Variants in HIBCH observed in about 807,000 individuals in gnomAD.
HIBCH encodes 3-hydroxyisobutyryl-CoA hydrolase.
In HIBCH, 50 loss-of-function variants were observed where a neutral mutation model predicts 58.2. The ratio of observed to expected loss-of-function variants is 0.86; its 90% confidence interval spans 0.68 to 1.09. The LOEUF (loss-of-function observed/expected upper bound fraction) is 1.09. Among genes scored for constraint, HIBCH ranks in the 50% least tolerant of loss-of-function variants. The pLI is 0.00. For synonymous variants in HIBCH, 151 were observed against 146.9 expected (o/e 1.03, Z -0.20); for missense variants, 450 against 449.7 (o/e 1.00, Z -0.01).
intron 7 of HIBCH, among the ~76,000 whole-genome samples, chr2:190,259,164 G>A (rs1024879962): frequency 6.6e-6 from 1 of 152,080 alleles, no homozygotes; most frequent in African/African-American, 2.4e-5. Context: ...CTGACATTGG[G>A]ATTTTGATAG....
downstream of HIBCH, chr2:190,199,900 A>G (rs1376950666): frequency 6.2e-7 from 1 of 1,613,890 alleles, no homozygotes; most frequent in Non-Finnish European, 8.5e-7. Context: ...CCCATTTCCT[A>G]CCATATATGA....
chr2:190,213,819 T>C (rs898885938), intron 11 of HIBCH: 23 of 152,262 alleles, frequency 1.5e-4, no homozygotes, highest in African/African-American at 2.4e-4. Context: ...TGTGACCCTA[T>C]AGGACTCAGC....
At chr2:190,252,425 A>T in intron 7 of HIBCH, 118 bp from the exon 8 acceptor site, 1 of 818,048 alleles carries the variant, frequency 1.2e-6, no homozygotes, top group South Asian at 1.5e-5. Flanking sequence ...TACATTACAA[A>T]CATTATTAAA....
At chr2:190,270,282 A>ATTTT (rs1156661359) in intron 6 of HIBCH, among the ~76,000 whole-genome samples, 43 of 109,766 alleles carry the variant, frequency 3.9e-4, no homozygotes, top group African/African-American at 1.3e-3. Context: ...TTTTTTTTTA[A>ATTTT]AAAAAAAGAT....
chr2:190,238,421 C>T (rs1019503114), intron 11 of HIBCH, among the ~76,000 whole-genome samples: 2 of 152,122 alleles, frequency 1.3e-5, no homozygotes, highest in Admixed American at 6.6e-5. Flanking sequence ...CTCTAATGAT[C>T]AATGACAATA....
chr2:190,281,695 TTC>T lies in HIBCH; in HGVS notation c.438+5889_438+5890del, dbSNP rs1272481106. On this transcript the variant is annotated intron_variant, in intron 6 of 13. Transcript: ENST00000359678. This position sits in a 1 kb window ranked among gnomAD's most constrained non-coding sequence, Gnocchi z 5.4. Reference sequence around the variant, plus strand: ...AGTTTTCCAAATCTTTCTGCTTTCTTTCCCTTTTGATTATAAATTTCATCTTC... The same window carrying T: ...AGTTTTCCAAATCTTTCTGCTTTCTTCCTTTTGATTATAAATTTCATCTTC... Among the ~76,000 whole-genome samples, 2 of 152,222 alleles carry T rather than the reference TTC, an allele frequency of 1.3e-5. No homozygotes were observed. Among genetic ancestry groups the T allele is most frequent in the Admixed American group, 6.5e-5 (1 of 15,288 alleles).
intron 7 of HIBCH, among the ~76,000 whole-genome samples, chr2:190,258,024 C>T (rs1431138513): frequency 6.6e-6 from 1 of 152,100 alleles, no homozygotes; most frequent in Non-Finnish European, 1.5e-5. Flanking sequence ...CTCTGTGTCC[C>T]CATTCAAATC....
At chr2:190,194,154 T>G (rs918319686) in intron 1 of HIBCH, among the ~76,000 whole-genome samples, 2 of 152,218 alleles carry the variant, frequency 1.3e-5, no homozygotes, top group African/African-American at 4.8e-5. Flanking sequence ...TGAAATCTGC[T>G]GAGACTACCA....
intron 11 of HIBCH, among the ~76,000 whole-genome samples, chr2:190,225,150 G>A (rs1375612133): frequency 6.6e-6 from 1 of 152,120 alleles, no homozygotes; most frequent in Non-Finnish European, 1.5e-5. Flanking sequence ...AGAACTAAAT[G>A]CCCACAAGAG....
chr2:190,273,864 C>T (rs1245572326), intron 6 of HIBCH, among the ~76,000 whole-genome samples: 1 of 152,014 alleles, frequency 6.6e-6, no homozygotes, highest in Non-Finnish European at 1.5e-5. Flanking sequence ...GTCTCAGATG[C>T]AGTGAGACAA....
intron 11 of HIBCH, among the ~76,000 whole-genome samples, chr2:190,241,560 T>G (rs1409607712): frequency 6.6e-6 from 1 of 152,192 alleles, no homozygotes; most frequent in Non-Finnish European, 1.5e-5. Context: ...CATAGTGTTG[T>G]TGGTCTTTGT....
At chr2:190,283,461 C>T (rs1687756048) in intron 6 of HIBCH, among the ~76,000 whole-genome samples, 2 of 152,200 alleles carry the variant, frequency 1.3e-5, no homozygotes, top group African/African-American at 4.8e-5. Context: ...CAGGTGTATG[C>T]TCACCATTGC....
intron 6 of HIBCH, among the ~76,000 whole-genome samples, chr2:190,268,916 G>A (rs931181939): frequency 3.3e-5 from 5 of 152,164 alleles, no homozygotes; most frequent in Non-Finnish European, 7.4e-5. Context: ...AGAGCCCTCA[G>A]AAATAACACC....
rs1461301076 is a variant in HIBCH at position 190,210,168 on chromosome 2, C to T, written c.1012-1255G>A. The stretch of plus-strand genomic sequence containing the variant: ...TACACATATTCTCTCCACTTCTTCA[C>T]ATCCCATTTTTCCTCTCCAACTTAC... On this transcript the variant is annotated intron_variant, in intron 12 of 13. Transcript: ENST00000359678. This position sits in a 1 kb window ranked among gnomAD's most constrained non-coding sequence, Gnocchi z 5.5. Among the ~76,000 whole-genome samples, 1 of 152,176 alleles carries T rather than the reference C, an allele frequency of 6.6e-6. No homozygotes were observed. The highest frequency in any genetic ancestry group is 1.5e-5 in the Non-Finnish European group (1 of 68,038).
In HIBCH at chr2:190,290,386, C is replaced by T; in HGVS notation, c.385+19G>A. The T allele has an allele frequency of 6.6e-7, 1 of 1,514,742 alleles. No homozygotes were observed. The highest frequency in any genetic ancestry group is 9.2e-7 in the Non-Finnish European group (1 of 1,089,836). The allele number at this position is 1,514,742 out of a possible 1,614,324, so 93.8% of individuals were successfully genotyped here. ...ATTTCTTTATTCCATTTCCAAAGCT[C>T]TGAGCAGAATACACATACCAACAGC... On this transcript the variant is annotated intron_variant, in intron 5 of 13. Coordinates refer to ENST00000359678, the MANE Select transcript of HIBCH (RefSeq NM_014362.4).
downstream of HIBCH, chr2:190,200,175 G>A (rs768403215): frequency 1.3e-5 from 21 of 1,589,632 alleles, no homozygotes; most frequent in Admixed American, 6.7e-5. Flanking sequence ...CACTTTGACT[G>A]TGGAGGTGCT....
downstream of HIBCH, chr2:190,199,755 G>A: frequency 6.6e-7 from 1 of 1,526,176 alleles, no homozygotes; most frequent in Non-Finnish European, 8.8e-7. Flanking sequence ...GTGCCCTGGA[G>A]AGGGAAAGCA....
At chr2:190,317,614 G>A (rs939487706) in intron 1 of HIBCH, among the ~76,000 whole-genome samples, 1 of 152,102 alleles carries the variant, frequency 6.6e-6, no homozygotes, top group Non-Finnish European at 1.5e-5. Flanking sequence ...AGATTAACCT[G>A]GCAATCTTGT....
intron 11 of HIBCH, among the ~76,000 whole-genome samples, chr2:190,235,343 T>A (rs796644903): frequency 3.9e-4 from 60 of 152,316 alleles, no homozygotes; most frequent in African/African-American, 1.4e-3. Flanking sequence ...CATACGCAGT[T>A]TGTCAGTTTG....
Sources: allele counts gnomAD v4.1 joint callset (sites outside exome capture counted in the v4.1 genomes callset), GRCh38; gene constraint gnomAD v4.1.1; non-coding constraint Gnocchi (gnomAD v3.1); transcripts MANE v1.5; gene names NCBI Gene and HGNC (gene_info 2026-07-23, HGNC 2026-07-21).